The following NRN1 variants were observed in gnomAD, a reference collection of about 807,000 sequenced individuals.
NRN1 encodes the protein neuritin 1, also known as neuritin.
NRN1 carries 4 observed loss-of-function variants against 15.0 expected under a neutral mutation model. The observed-to-expected ratio is 0.27, with a 90% CI of 0.13 to 0.61. The LOEUF is 0.61. Ranked by LOEUF, NRN1 falls within the 20% of genes least tolerant of loss-of-function variation. The pLI, the probability that NRN1 is intolerant of heterozygous loss-of-function variation, is 0.87. For missense variants in NRN1, 134 were observed against 181.9 expected, an observed-to-expected ratio of 0.74 and a Z score of 1.51; for synonymous variants, 85 against 79.8, an observed-to-expected ratio of 1.07 and a Z score of -0.35.
chr6:5,999,237 G>A (rs767916964), intron 2 of NRN1, 33 bp from the exon 3 acceptor site: 2 of 1,565,846 alleles, frequency 1.3e-6, no homozygotes, highest in South Asian at 1.1e-5. Flanking sequence ...AGAACAAGCA[G>A]GTTCACTTGG....
In NRN1 at chr6:6,003,582, G is replaced by A. The variant is rs1758025970; in HGVS notation, c.56-1085C>T. 5 of 642,260 alleles carry A rather than the reference G, an allele frequency of 7.8e-6. No homozygotes were observed. In the South Asian group the frequency reaches 3.2e-4, roughly 41 times the overall value. 39.8% of individuals were successfully genotyped at this position (642,260 alleles called of 1,614,324 possible). ...GAGAGCAGGCAGGGATAAAAGCTGA[G>A]CGGCGGGAGGAGGAGGAGGAGGAGG... On this transcript the variant is annotated intron_variant, in intron 1 of 2. Transcript: ENST00000244766.
At position 6,003,556 on chromosome 6, in the gene NRN1, A is replaced by G. The variant is rs1378358252; in HGVS notation, c.56-1059T>C. 3 of 549,006 alleles carry G rather than the reference A, an allele frequency of 5.5e-6. No homozygotes were observed. In the African/African-American group the frequency reaches 5.8e-5, roughly 11 times the overall value. 34.0% of individuals were successfully genotyped at this position (549,006 alleles called of 1,614,324 possible). On this transcript the variant is annotated intron_variant, in intron 1 of 2. Transcript: ENST00000244766. ...CTGGCCCCAGCTCAGGACTCCCTGCAGAGAGCAGGCAGGGATAAAAGCTGA... is the reference window on the plus strand; with the variant it reads ...CTGGCCCCAGCTCAGGACTCCCTGCGGAGAGCAGGCAGGGATAAAAGCTGA...
chr6:6,001,312 G>A (rs1274241320), intron 2 of NRN1, among the ~76,000 whole-genome samples: 1 of 152,206 alleles, frequency 6.6e-6, no homozygotes, highest in African/African-American at 2.4e-5. Flanking sequence ...CAGGGAATAA[G>A]GGGCACAACC....
intron 1 of NRN1, chr6:6,003,605 A>G (rs1482556040): frequency 7.9e-6 from 6 of 756,296 alleles, no homozygotes; most frequent in Non-Finnish European, 9.1e-6. Context: ...GAGGAGGAGG[A>G]GGAAACACAG....
chr6:6,001,327 T>C (rs1453330857), intron 2 of NRN1, among the ~76,000 whole-genome samples: 3 of 152,206 alleles, frequency 2.0e-5, no homozygotes, highest in Non-Finnish European at 4.4e-5. Flanking sequence ...ACAACCTGCC[T>C]TGGCTGTTTT....
Position 5,998,974 on chromosome 6 carries a change from G to A in NRN1, c.*2C>T, listed in dbSNP as rs766146294. The A allele has an allele frequency of 6.2e-7, 1 of 1,606,726 alleles. No homozygotes were observed. Among genetic ancestry groups the A allele is most frequent in the Non-Finnish European group, 8.5e-7 (1 of 1,176,548 alleles). The stretch of plus-strand genomic sequence containing the variant: ...GGCGCGCGGGGGGAGCTGGCCCCAC[G>A]CTCAGAAGGAAAGCCAGGTCGCTAA... On this transcript the variant is annotated 3_prime_UTR_variant, in exon 3 of 3. Coordinates refer to ENST00000244766, the MANE Select transcript of NRN1 (RefSeq NM_016588.3).
chr6:6,003,986 C>A, intron 1 of NRN1: 7 of 1,217,202 alleles, frequency 5.8e-6, no homozygotes, highest in Non-Finnish European at 7.1e-6. Context: ...GCCCCCAACG[C>A]GGGCGCCTGT....
intron 1 of NRN1, chr6:6,003,781 G>A: frequency 8.1e-7 from 1 of 1,234,114 alleles, no homozygotes; most frequent in Non-Finnish European, 1.0e-6. Flanking sequence ...AGTGCCTAGC[G>A]GCCCAAAGCA....
At position 6,006,910 on chromosome 6, in the gene NRN1, G is replaced by T; in HGVS notation, c.-161C>A. The T allele has an allele frequency of 2.2e-6, 1 of 453,058 alleles. No homozygotes were observed. Among genetic ancestry groups the T allele is most frequent in the Non-Finnish European group, 4.2e-6 (1 of 240,046 alleles). 28.1% of individuals were successfully genotyped at this position (453,058 alleles called of 1,614,324 possible). On this transcript the variant is annotated 5_prime_UTR_variant, in exon 1 of 3. Transcript: ENST00000244766. ...GGAGGAGAGAAAGAGAGGGAGCGAG[G>T]AAGAGACAGAAAGAGAGAGAGAGAG...
Position 6,002,358 on chromosome 6 carries a change from C to G in NRN1, c.195G>C (p.Val65=). Residue 65 remains valine, a synonymous_variant, in exon 2 of 3, where the codon GTG becomes GTC. Transcript: ENST00000244766. ...CGGCCAGAGAGGACACTTACGTGCA[C>G]ACGGTCTTGATGTTCGTCTTGTCGT... ...GLDDKTNIKT[V]CTYWEDFHSC... 1 of 1,614,188 alleles carries G rather than the reference C, an allele frequency of 6.2e-7. No homozygotes were observed. Among genetic ancestry groups the G allele is most frequent in the Non-Finnish European group, 8.5e-7 (1 of 1,179,986 alleles).
At chr6:6,002,815 C>G (rs1003805108) in intron 1 of NRN1, 3 of 432,942 alleles carry the variant, frequency 6.9e-6, no homozygotes, top group Non-Finnish European at 1.2e-5. Flanking sequence ...TCCATCGCCC[C>G]CTCTTCTCAC....
chr6:6,002,632 C>T (rs1757984966), intron 1 of NRN1, 135 bp from the exon 2 acceptor site: 1 of 1,193,914 alleles, frequency 8.4e-7, no homozygotes, highest in Admixed American at 2.4e-5. Context: ...CCTCGGGGCT[C>T]GCCAGTGTTA....
At chr6:6,005,107 C>A (rs1039027425) in intron 1 of NRN1, among the ~76,000 whole-genome samples, 1 of 151,914 alleles carries the variant, frequency 6.6e-6, no homozygotes, top group African/African-American at 2.4e-5. Context: ...AAAACGCGTC[C>A]CTCAGGCACG....
At position 5,998,916 on chromosome 6, in the gene NRN1, T is replaced by C; in HGVS notation, c.*60A>G. On this transcript the variant is annotated 3_prime_UTR_variant, in exon 3 of 3. Transcript: ENST00000244766. ...CCCAAAGAACTAATGGATCTTCCTC[T>C]CGATTTCCGGGAGCATGGAGTGAGT... The C allele has an allele frequency of 8.0e-7, 1 of 1,248,604 alleles. No homozygotes were observed. The highest frequency in any genetic ancestry group is 1.1e-6 in the Non-Finnish European group (1 of 873,716). 77.3% of individuals were successfully genotyped at this position (1,248,604 alleles called of 1,614,324 possible). A position where few individuals can be genotyped will look rare whatever the true frequency, so the allele number is the denominator to read the frequency against.
At chr6:6,006,169 G>GCC (rs1319511520) in intron 1 of NRN1, among the ~76,000 whole-genome samples, 1 of 152,094 alleles carries the variant, frequency 6.6e-6, no homozygotes, top group Non-Finnish European at 1.5e-5. Context: ...GGTCTGCGGT[G>GCC]CCCGTGCAAA....
intron 1 of NRN1, 74 bp from the exon 2 acceptor site, chr6:6,002,571 C>A: frequency 6.4e-7 from 1 of 1,555,306 alleles, no homozygotes; most frequent in Non-Finnish European, 8.7e-7. Context: ...TCCTGCGAGA[C>A]CCTGGCTCCG....
At chr6:6,004,552 G>C (rs935854859) in intron 1 of NRN1, among the ~76,000 whole-genome samples, 1 of 152,198 alleles carries the variant, frequency 6.6e-6, no homozygotes, top group Non-Finnish European at 1.5e-5. Context: ...GGCGCTGCTG[G>C]AGAAGACCCT....
intron 1 of NRN1, among the ~76,000 whole-genome samples, chr6:6,004,859 C>G (rs1428872738): frequency 6.6e-6 from 1 of 152,086 alleles, no homozygotes; most frequent in African/African-American, 2.4e-5. Context: ...ACCTCTCATT[C>G]ATTCCGAACT....
intron 1 of NRN1, among the ~76,000 whole-genome samples, chr6:6,004,857 T>A (rs78058043): frequency 6.6e-6 from 1 of 152,082 alleles, no homozygotes; most frequent in Non-Finnish European, 1.5e-5. Flanking sequence ...CGACCTCTCA[T>A]TCATTCCGAA....
Sources: gnomAD v4.1 joint callset for allele counts (sites outside exome capture counted in the v4.1 genomes callset) on GRCh38, gnomAD v4.1.1 for gene constraint, MANE v1.5 for transcripts, NCBI Gene and HGNC (gene_info 2026-07-23, HGNC 2026-07-21) for gene names.